Variants in ARMH3 observed in about 807,000 individuals in gnomAD.
The protein encoded by ARMH3 is armadillo like helical domain containing 3, also known as armadillo-like helical domain-containing protein 3.
In ARMH3, 60 loss-of-function variants were observed where a neutral mutation model predicts 99.1. The ratio of observed to expected loss-of-function variants is 0.61; its 90% CI spans 0.49 to 0.75. ARMH3 has a LOEUF of 0.75. Among genes scored for constraint, ARMH3 ranks in the 30% least tolerant of loss-of-function variants. ARMH3 has a pLI of 0.00. For missense variants in ARMH3, 679 were observed against 843.1 expected (o/e 0.81, Z 2.41); for synonymous variants, 285 against 292.8 (o/e 0.97, Z 0.27).
intron 23 of ARMH3, among the ~76,000 whole-genome samples, chr10:101,900,953 C>T (rs1306656596): frequency 1.3e-5 from 2 of 152,026 alleles, no homozygotes; most frequent in African/African-American, 4.8e-5. Context: ...CACTGTACTC[C>T]AGCCTGGGCA....
chr10:101,849,920 C>G, intron 24 of ARMH3, 28 bp from the exon 25 acceptor site: 1 of 1,601,356 alleles, frequency 6.2e-7, no homozygotes, highest in African/African-American at 1.3e-5. Flanking sequence ...CCAGGCAGGG[C>G]TTAGGCCATG....
At chr10:101,890,872 ATTTTTTT>A (rs1313468909) in intron 23 of ARMH3, among the ~76,000 whole-genome samples, 1 of 130,918 alleles carries the variant, frequency 7.6e-6, no homozygotes, top group Admixed American at 7.8e-5. Flanking sequence ...CCTGACTGGT[ATTTTTTT>A]TTTTTTTTTT....
At chr10:101,944,547 C>T (rs1844431332) in intron 22 of ARMH3, among the ~76,000 whole-genome samples, 2 of 152,100 alleles carry the variant, frequency 1.3e-5, no homozygotes, top group Admixed American at 1.3e-4. Context: ...GGCATGGTTA[C>T]TCACGCTTGT....
chr10:102,048,765 C>G (rs1406809669), intron 1 of ARMH3, among the ~76,000 whole-genome samples: 1 of 152,116 alleles, frequency 6.6e-6, no homozygotes, highest in Non-Finnish European at 1.5e-5. Context: ...AGTCCCCTAC[C>G]CTGACTTTCC....
At chr10:102,054,056 T>C (rs1174053416) in intron 1 of ARMH3, among the ~76,000 whole-genome samples, 1 of 152,234 alleles carries the variant, frequency 6.6e-6, no homozygotes, top group Non-Finnish European at 1.5e-5. Context: ...AATTTCATAA[T>C]GACTGCTTTG....
chr10:102,027,838 A>C (rs1380735256), intron 5 of ARMH3, among the ~76,000 whole-genome samples: 1 of 151,730 alleles, frequency 6.6e-6, no homozygotes, highest in African/African-American at 2.4e-5. Context: ...AATCATTATA[A>C]AGATTCTCTG....
intron 19 of ARMH3, among the ~76,000 whole-genome samples, chr10:101,985,250 GTA>G (rs773632171): frequency 1.4e-3 from 207 of 146,534 alleles, no homozygotes; most frequent in African/African-American, 4.2e-3. Context: ...ATATACGTGT[GTA>G]TATATATGTG....
At chr10:101,901,426 C>T (rs1330158300) in intron 23 of ARMH3, among the ~76,000 whole-genome samples, 1 of 152,044 alleles carries the variant, frequency 6.6e-6, no homozygotes, top group African/African-American at 2.4e-5. Flanking sequence ...GAACATTTAC[C>T]ATAAAGCCCA....
chr10:102,050,618 G>C (rs992966730), intron 1 of ARMH3, among the ~76,000 whole-genome samples: 1 of 152,140 alleles, frequency 6.6e-6, no homozygotes, highest in Non-Finnish European at 1.5e-5. Flanking sequence ...AACACTCTTG[G>C]AGGCCGAGGC....
At chr10:101,856,139 T>C (rs1197197686) in intron 24 of ARMH3, among the ~76,000 whole-genome samples, 1 of 152,130 alleles carries the variant, frequency 6.6e-6, no homozygotes, top group Non-Finnish European at 1.5e-5. Flanking sequence ...GGTGAAGCCT[T>C]GATTTGCTGT....
At chr10:102,044,912 G>A (rs1196608906) in intron 1 of ARMH3, among the ~76,000 whole-genome samples, 6 of 152,120 alleles carry the variant, frequency 3.9e-5, no homozygotes, top group African/African-American at 1.4e-4. Flanking sequence ...GAGGCGGGCA[G>A]ATCACATGAG....
At chr10:101,870,483 A>C (rs1208025494) in intron 24 of ARMH3, among the ~76,000 whole-genome samples, 1 of 152,246 alleles carries the variant, frequency 6.6e-6, no homozygotes, top group African/African-American at 2.4e-5. Context: ...TAAAGCAAGT[A>C]GAGTGAAATG....
chr10:101,875,257 C>G (rs1164316190), intron 24 of ARMH3, among the ~76,000 whole-genome samples: 2 of 151,776 alleles, frequency 1.3e-5, no homozygotes, highest in Non-Finnish European at 2.9e-5. Context: ...GCCAAAAGCA[C>G]AGGAACTAGA....
At chr10:102,015,337 G>C (rs1372020463) in intron 8 of ARMH3, among the ~76,000 whole-genome samples, 1 of 151,812 alleles carries the variant, frequency 6.6e-6, no homozygotes, top group African/African-American at 2.4e-5. Context: ...CTATTTCTTG[G>C]CATAATTTTT....
intron 22 of ARMH3, among the ~76,000 whole-genome samples, chr10:101,950,947 T>C (rs1468569888): frequency 6.6e-6 from 1 of 152,136 alleles, no homozygotes; most frequent in African/African-American, 2.4e-5. Context: ...GATTATAAGG[T>C]AGGTGAATTA....
At chr10:101,951,929 C>T (rs1463003582) in intron 22 of ARMH3, among the ~76,000 whole-genome samples, 1 of 140,124 alleles carries the variant, frequency 7.1e-6, no homozygotes, top group Non-Finnish European at 1.5e-5. Flanking sequence ...GGGAGGGGGG[C>T]GGAGGATGAG....
At chr10:101,972,241 G>A (rs1414867121) in intron 20 of ARMH3, among the ~76,000 whole-genome samples, 1 of 152,116 alleles carries the variant, frequency 6.6e-6, no homozygotes, top group African/African-American at 2.4e-5. Context: ...ATAACAAAGA[G>A]CTAATACAGT....
At chr10:102,003,084 A>T (rs1371796096) in intron 14 of ARMH3, among the ~76,000 whole-genome samples, 1 of 152,060 alleles carries the variant, frequency 6.6e-6, no homozygotes, top group Non-Finnish European at 1.5e-5. Context: ...GAAATCCCCC[A>T]CCCAGTTCTC....
intron 24 of ARMH3, among the ~76,000 whole-genome samples, chr10:101,864,075 A>C (rs1181907854): frequency 9.1e-6 from 1 of 109,378 alleles, no homozygotes; most frequent in Non-Finnish European, 2.2e-5. Context: ...AAAAAAAAAA[A>C]AAAACACACA....
Sources: allele counts gnomAD v4.1 joint callset (sites outside exome capture counted in the v4.1 genomes callset), GRCh38; gene constraint gnomAD v4.1.1; transcripts MANE v1.5; gene names NCBI Gene and HGNC (gene_info 2026-07-23, HGNC 2026-07-21).